AKT2: variants seen among roughly 807,000 people sequenced by gnomAD.
The protein encoded by AKT2 is RAC-beta serine/threonine-protein kinase.
AKT2 carries 16 observed loss-of-function variants against 58.6 expected under a neutral mutation model. The ratio of observed to expected loss-of-function variants is 0.27; its 90% confidence interval spans 0.18 to 0.41. The LOEUF (loss-of-function observed/expected upper bound fraction) is 0.41. Among genes scored for constraint, AKT2 ranks in the 10% least tolerant of loss-of-function variants. The probability of loss-of-function intolerance (pLI) is 1.00; values close to 1 mark genes in which losing one functional copy is unlikely to be tolerated. For missense variants in AKT2, 438 were observed against 661.0 expected (o/e 0.66, Z 3.70); for synonymous variants, 253 against 254.0 (o/e 1.00, Z 0.04).
At position 40,235,124 on chromosome 19, in the gene AKT2, C is replaced by G. The variant is rs767039609; in HGVS notation, c.1287G>C (p.Gln429His). 1 of 1,614,100 alleles carries G rather than the reference C, an allele frequency of 6.2e-7. No individual in the cohort carries two copies. The highest frequency in any genetic ancestry group is 1.1e-5 in the South Asian group (1 of 91,082). ...ACCTTGTGTCGACCTCGGACGTGAC[C>G]TGAGGTTTGAAGGGTGGCAGGAGCT... Reference protein sequence around the residue: ...QKKLLPPFKPQVTSEVDTRYF... With the variant: ...QKKLLPPFKPHVTSEVDTRYF... The change falls in exon 13 of 14, where the codon CAG (glutamine) becomes CAC (histidine). Residue 429 changes from glutamine to histidine, a missense_variant. Around this residue, in one of 3 missense-constraint regions of AKT2, gnomAD observed 148 missense variants for 199.5 expected, o/e 0.74. Transcript: ENST00000392038. This position sits in a 1 kb window ranked among gnomAD's most constrained non-coding sequence, Gnocchi z 6.3.
chr19:40,264,696 C>T (rs1027243814), intron 2 of AKT2, among the ~76,000 whole-genome samples: 2 of 152,110 alleles, frequency 1.3e-5, no homozygotes, highest in Non-Finnish European at 2.9e-5. Context: ...GCCGTCTCCT[C>T]CGGGCAGCCT....
At chr19:40,280,000 A>G (rs2077395347) in intron 1 of AKT2, among the ~76,000 whole-genome samples, 1 of 152,120 alleles carries the variant, frequency 6.6e-6, no homozygotes, top group Non-Finnish European at 1.5e-5. Context: ...TCACCCAGCT[A>G]TAGTGGAGAA....
Position 40,250,426 on chromosome 19 carries a change from C to G in AKT2, c.287+4732G>C, listed in dbSNP as rs143762957. On this transcript the variant is annotated intron_variant, in intron 4 of 13. Coordinates refer to ENST00000392038, the MANE Select transcript of AKT2 (RefSeq NM_001626.6). ...GCTGAGGCGTGAGAATCACTTGAAC[C>G]CAGGAGGAAGATGTTGCAGTGAACC... is the stretch of plus-strand genomic sequence containing the variant. Among the ~76,000 whole-genome samples, 642 of 152,016 alleles carry G rather than the reference C, an allele frequency of 4.2e-3. 7 individuals are homozygous for G. The highest frequency in any genetic ancestry group is 0.014 in the African/African-American group (589 of 41,428).
chr19:40,259,026 A>G (rs1437736321), intron 2 of AKT2, among the ~76,000 whole-genome samples: 4 of 152,240 alleles, frequency 2.6e-5, no homozygotes, highest in African/African-American at 9.6e-5. Flanking sequence ...TATAGTAATC[A>G]AAACAGTACA....
rs1409882278 is a variant in AKT2, at chr19:40,230,727, T to TTA, written c.*3144_*3145insTA. On this transcript the variant is annotated 3_prime_UTR_variant, in exon 14 of 14. Transcript: ENST00000392038. ...ATAGCATGTATCATGTTTTTTTTTT[T>TTA]TTTATTTTTAGAGACACAGTCTCAT... The TTA allele has an allele frequency of 4.8e-6, 1 of 206,806 alleles. No homozygotes were observed. Among genetic ancestry groups the TTA allele is most frequent in the Non-Finnish European group, 9.9e-6 (1 of 101,284 alleles). 12.8% of individuals were successfully genotyped at this position (206,806 alleles called of 1,614,324 possible).
At chr19:40,254,521 C>CT (rs1162575760) in intron 4 of AKT2, among the ~76,000 whole-genome samples, 2 of 144,010 alleles carry the variant, frequency 1.4e-5, no homozygotes, top group Non-Finnish European at 3.0e-5. Context: ...GAGCAAGACT[C>CT]TGTCTCAAAA....
intron 6 of AKT2, chr19:40,241,707 C>G: frequency 1.6e-6 from 1 of 619,276 alleles, no homozygotes; most frequent in Non-Finnish European, 2.7e-6. Context: ...CCGAGGCTCT[C>G]TCTCTCCACA....
At chr19:40,261,814 G>C (rs1363416818) in intron 2 of AKT2, among the ~76,000 whole-genome samples, 2 of 151,912 alleles carry the variant, frequency 1.3e-5, no homozygotes, top group East Asian at 3.9e-4. Flanking sequence ...ACTAGATAGA[G>C]GTAGTGGTTA....
chr19:40,234,757 A>G lies in AKT2; in HGVS notation c.1366+288T>C. 1.6e-6 allele frequency: 1 copy of G among 608,298 alleles called. No homozygotes were observed. The highest frequency in any genetic ancestry group is 3.5e-4 in the Middle Eastern group (1 of 2,880). The allele number at this position is 608,298 out of a possible 1,614,324, so 37.7% of individuals were successfully genotyped here. A position where few individuals can be genotyped will look rare whatever the true frequency, so the allele number is the denominator to read the frequency against. The stretch of plus-strand genomic sequence containing the variant: ...GCCCTGGGCTGAGTTCAGAGTAAGA[A>G]CCCAAACAGCTGTAAAGCAGTGAAC... On this transcript the variant is annotated intron_variant, in intron 13 of 13. Coordinates refer to ENST00000392038, the MANE Select transcript of AKT2 (RefSeq NM_001626.6). This position sits in a 1 kb window ranked among gnomAD's most constrained non-coding sequence, Gnocchi z 4.7.
rs1385936959 is a variant in AKT2, at chr19:40,233,913, G to A, written c.1405C>T (p.His469Tyr). The change falls in exon 14 of 14, where the codon CAC becomes TAC. Residue 469 changes from histidine to tyrosine, a missense_variant. His to Tyr is a moderately conservative substitution (Grantham distance 83, BLOSUM62 2). Coordinates refer to ENST00000392038, the MANE Select transcript of AKT2 (RefSeq NM_001626.6). This position sits in a 1 kb window ranked among gnomAD's most constrained non-coding sequence, Gnocchi z 4.3. ...GCCGAGTAGGAGAACTGGGGGAAGT[G>A]GGTCCGCTGGTCCAGCTCCAGTAAG... ...LGLLELDQRT[H>Y]FPQFSYSASI... 1 of 1,611,884 alleles carries A rather than the reference G, an allele frequency of 6.2e-7. No homozygotes were observed. Among genetic ancestry groups the A allele is most frequent in the South Asian group, 1.1e-5 (1 of 91,064 alleles).
intron 4 of AKT2, among the ~76,000 whole-genome samples, chr19:40,250,549 C>T (rs879573540): frequency 2.0e-5 from 3 of 151,842 alleles, no homozygotes; most frequent in African/African-American, 7.3e-5. Context: ...CACAGATGGC[C>T]AGGCACAGTG....
chr19:40,255,307 G>C (rs764350328), intron 3 of AKT2, 38 bp from the exon 4 acceptor site: 81 of 1,545,620 alleles, frequency 5.2e-5, no homozygotes, highest in Middle Eastern at 1.7e-4. Flanking sequence ...GGGCTGAGGG[G>C]ATAGCCCTGC....
At position 40,238,884 on chromosome 19, in the gene AKT2, GTC is replaced by G; in HGVS notation, c.708+19_708+20del. On this transcript the variant is annotated intron_variant, in intron 8 of 13. Transcript: ENST00000392038. This position sits in a 1 kb window ranked among gnomAD's most constrained non-coding sequence, Gnocchi z 5.1. ...AAAGAAGGAGGCCCCAGAGGGCAAA[GTC>G]AAGGCAGCCGCGGCTCACCTCACCC... is the stretch of plus-strand genomic sequence containing the variant. The G allele has an allele frequency of 1.2e-6, 2 of 1,613,898 alleles. No homozygotes were observed. The highest frequency in any genetic ancestry group is 1.7e-6 in the Non-Finnish European group (2 of 1,179,868).
intron 1 of AKT2, 171 bp downstream of exon 1, chr19:40,285,010 G>C: frequency 2.7e-6 from 1 of 375,780 alleles, no homozygotes; most frequent in Non-Finnish European, 4.7e-6. Context: ...GCCCCCCGAG[G>C]CTGGTCCCAC....
chr19:40,233,648 G>A lies in AKT2; in HGVS notation c.*224C>T. 1 of 758,880 alleles carries A rather than the reference G, an allele frequency of 1.3e-6. No homozygotes were observed. The highest frequency in any genetic ancestry group is 1.4e-5 in the South Asian group (1 of 73,654). 47.0% of individuals were successfully genotyped at this position (758,880 alleles called of 1,614,324 possible). On this transcript the variant is annotated 3_prime_UTR_variant, in exon 14 of 14. Coordinates refer to ENST00000392038, the MANE Select transcript of AKT2 (RefSeq NM_001626.6). The surrounding 1 kb of genome is among the most constrained non-coding windows in gnomAD (Gnocchi z 4.3). The stretch of plus-strand genomic sequence containing the variant: ...AGCCCAGGCCTGGGCGGGAGGTGGA[G>A]TCTTCCAAATGCGAGTCTGGGCACA...
At chr19:40,244,811 T>C (rs1169462648) in intron 4 of AKT2, among the ~76,000 whole-genome samples, 2 of 152,222 alleles carry the variant, frequency 1.3e-5, no homozygotes, top group Non-Finnish European at 2.9e-5. Context: ...CTGGGGCCCC[T>C]ACCCAAGGTC....
intron 6 of AKT2, chr19:40,241,374 T>C: frequency 5.6e-6 from 1 of 177,440 alleles, no homozygotes; most frequent in Non-Finnish European, 1.2e-5. Context: ...ATGAGTGAAG[T>C]GACGTGTTGT....
chr19:40,280,454 A>G (rs1348254121), intron 1 of AKT2, among the ~76,000 whole-genome samples: 1 of 152,110 alleles, frequency 6.6e-6, no homozygotes, highest in African/African-American at 2.4e-5. Flanking sequence ...TGCTCCGCTC[A>G]GTCAAATCTA....
At chr19:40,251,947 C>T (rs1009633732) in intron 4 of AKT2, among the ~76,000 whole-genome samples, 2 of 152,274 alleles carry the variant, frequency 1.3e-5, no homozygotes, top group East Asian at 1.9e-4. Flanking sequence ...GAGTGGGGCG[C>T]GTGGATGTCC....
Sources: gnomAD v4.1 joint callset for allele counts (sites outside exome capture counted in the v4.1 genomes callset) on GRCh38, gnomAD v4.1.1 for gene constraint, gnomAD v4.1.1 regional missense constraint, Gnocchi (gnomAD v3.1) non-coding constraint, MANE v1.5 for transcripts, NCBI Gene and HGNC (gene_info 2026-07-23, HGNC 2026-07-21) for gene names.